The following BTBD9 variants were observed in gnomAD, a reference collection of about 807,000 sequenced individuals.
BTBD9 encodes the protein BTB/POZ domain-containing protein 9.
Under a neutral mutation model 64.3 loss-of-function variants are expected in BTBD9, and 49 were observed. That is an observed-to-expected ratio of 0.76 (90% CI 0.61 to 0.97). BTBD9 has a LOEUF of 0.97. Ranked by LOEUF, BTBD9 falls within the 50% of genes least tolerant of loss-of-function variation. The pLI is 0.00. For missense variants in BTBD9, 598 were observed against 762.1 expected, an observed-to-expected ratio of 0.78 and a Z score of 2.53; for synonymous variants, 260 against 274.7, an observed-to-expected ratio of 0.95 and a Z score of 0.53.
chr6:38,483,232 C>T (rs188082852), intron 6 of BTBD9, among the ~76,000 whole-genome samples: 4 of 152,200 alleles, frequency 2.6e-5, no homozygotes, highest in African/African-American at 9.6e-5. Context: ...TCCCTTGACT[C>T]CACTGAAATG....
chr6:38,622,269 T>C (rs1778012046), intron 1 of BTBD9, among the ~76,000 whole-genome samples: 1 of 152,220 alleles, frequency 6.6e-6, no homozygotes, highest in Admixed American at 6.5e-5. Context: ...TTCTCCCATA[T>C]GCCTAAGTCA....
chr6:38,587,925 C>T (rs1238046627), intron 4 of BTBD9: 16 of 722,338 alleles, frequency 2.2e-5, no homozygotes, highest in Non-Finnish European at 3.9e-5. Context: ...CAACCCAGTG[C>T]TCCTGCAGAA....
At chr6:38,420,525 A>G (rs1398988624) in intron 6 of BTBD9, among the ~76,000 whole-genome samples, 1 of 152,174 alleles carries the variant, frequency 6.6e-6, no homozygotes, top group Non-Finnish European at 1.5e-5. Flanking sequence ...TAAAATTGGT[A>G]CCTGTGATGG....
intron 9 of BTBD9, among the ~76,000 whole-genome samples, chr6:38,206,878 G>C (rs949995607): frequency 6.6e-6 from 1 of 152,150 alleles, no homozygotes; most frequent in Non-Finnish European, 1.5e-5. Flanking sequence ...AGATGAATAT[G>C]TTTGCCTCAA....
intron 6 of BTBD9, among the ~76,000 whole-genome samples, chr6:38,386,259 G>C (rs1302914242): frequency 1.3e-5 from 2 of 151,838 alleles, no homozygotes; most frequent in South Asian, 2.1e-4. Context: ...ATAAATTTAA[G>C]GTAGGATATC....
At chr6:38,465,450 T>C (rs1159098628) in intron 6 of BTBD9, among the ~76,000 whole-genome samples, 7 of 110,672 alleles carry the variant, frequency 6.3e-5, no homozygotes, top group Non-Finnish European at 3.6e-5. Context: ...ACCCCATCTC[T>C]ACTAAAAATA....
chr6:38,410,422 G>C (rs746558879), intron 6 of BTBD9, among the ~76,000 whole-genome samples: 3 of 151,868 alleles, frequency 2.0e-5, no homozygotes, highest in Non-Finnish European at 4.4e-5. Context: ...GCAGTGAGCC[G>C]TGACCACACT....
At chr6:38,547,912 T>G (rs1201024865) in intron 6 of BTBD9, among the ~76,000 whole-genome samples, 1 of 152,218 alleles carries the variant, frequency 6.6e-6, no homozygotes, top group Non-Finnish European at 1.5e-5. Flanking sequence ...TCTGGCACAC[T>G]GTAGACTTTC....
chr6:38,433,957 C>G (rs1165458811), intron 6 of BTBD9, among the ~76,000 whole-genome samples: 1 of 151,876 alleles, frequency 6.6e-6, no homozygotes, highest in East Asian at 1.9e-4. Context: ...TTTTCTTATC[C>G]TGGCCAAATT....
intron 1 of BTBD9, among the ~76,000 whole-genome samples, chr6:38,624,088 T>C (rs1666120348): frequency 6.6e-6 from 1 of 152,144 alleles, no homozygotes; most frequent in Non-Finnish European, 1.5e-5. Flanking sequence ...TTGGGGAAGT[T>C]TCCTGTCTTA....
chr6:38,447,288 C>T (rs1179424327), intron 6 of BTBD9, among the ~76,000 whole-genome samples: 2 of 152,154 alleles, frequency 1.3e-5, no homozygotes, highest in Non-Finnish European at 2.9e-5. Context: ...CTGTATATAG[C>T]AATTCGTTAC....
At chr6:38,469,609 G>A (rs1582481563) in intron 6 of BTBD9, among the ~76,000 whole-genome samples, 2 of 152,082 alleles carry the variant, frequency 1.3e-5, no homozygotes, top group African/African-American at 4.8e-5. Flanking sequence ...GTGAGCCACC[G>A]CGCCCGGCAG....
intron 6 of BTBD9, among the ~76,000 whole-genome samples, chr6:38,420,876 C>T (rs1434630370): frequency 1.3e-5 from 2 of 151,716 alleles, no homozygotes; most frequent in Non-Finnish European, 2.9e-5. Flanking sequence ...ATAATAACAT[C>T]CTAGAATAAC....
intron 6 of BTBD9, among the ~76,000 whole-genome samples, chr6:38,428,100 G>C (rs1454878255): frequency 6.6e-6 from 1 of 151,930 alleles, no homozygotes; most frequent in African/African-American, 2.4e-5. Flanking sequence ...GTTCTAGGAA[G>C]GGAGCTTTTT....
intron 8 of BTBD9, among the ~76,000 whole-genome samples, chr6:38,259,713 T>C (rs1322630344): frequency 5.3e-5 from 8 of 152,228 alleles, no homozygotes; most frequent in African/African-American, 1.7e-4. Context: ...TTATTTTCTA[T>C]TGTAATTCTG....
At chr6:38,328,691 T>C (rs539272934) in intron 7 of BTBD9, among the ~76,000 whole-genome samples, 20 of 150,936 alleles carry the variant, frequency 1.3e-4, no homozygotes, top group African/African-American at 4.9e-4. Context: ...CTCACGCCTG[T>C]AATCTCAGCA....
intron 6 of BTBD9, among the ~76,000 whole-genome samples, chr6:38,442,366 G>A (rs1428373605): frequency 1.3e-5 from 2 of 152,044 alleles, no homozygotes; most frequent in African/African-American, 2.4e-5. Context: ...CCTGCCTGTA[G>A]TCCCAGCCTA....
intron 6 of BTBD9, chr6:38,482,573 C>T (rs1250483084): frequency 6.6e-6 from 1 of 152,122 alleles, no homozygotes; most frequent in Non-Finnish European, 1.5e-5. Flanking sequence ...GTTTGTGTAG[C>T]TGTTATATGA....
At chr6:38,332,083 A>G (rs1399031265) in intron 7 of BTBD9, among the ~76,000 whole-genome samples, 2 of 152,174 alleles carry the variant, frequency 1.3e-5, no homozygotes, top group Non-Finnish European at 1.5e-5. Context: ...TTCTTTTTAA[A>G]TAACTGCTGT....
Sources: gnomAD v4.1 joint callset for allele counts (sites outside exome capture counted in the v4.1 genomes callset) on GRCh38, gnomAD v4.1.1 for gene constraint, MANE v1.5 for transcripts, NCBI Gene and HGNC (gene_info 2026-07-23, HGNC 2026-07-21) for gene names.